The following ARNT2 variants were observed in gnomAD, a reference collection of about 807,000 sequenced individuals.
ARNT2 encodes ARNT protein 2.
In ARNT2, 36 loss-of-function variants were observed where a neutral mutation model predicts 91.7. That is an observed-to-expected ratio of 0.39 (90% CI 0.30 to 0.52). ARNT2 has a LOEUF of 0.52. ARNT2 is among the 20% of genes least tolerant of loss of function. The probability of loss-of-function intolerance (pLI) is 0.72; values close to 1 mark genes in which losing one functional copy is unlikely to be tolerated. For missense variants in ARNT2, 775 were observed against 939.3 expected, an observed-to-expected ratio of 0.83 and a Z score of 2.29; for synonymous variants, 365 against 347.1, an observed-to-expected ratio of 1.05 and a Z score of -0.57.
Position 80,475,138 on chromosome 15 carries a change from T to G in ARNT2, c.537T>G (p.Phe179Leu). Reference protein sequence around the residue: ...PVLNQPQSEWFGSTLYEQVHP... With the variant: ...PVLNQPQSEWLGSTLYEQVHP... ...TGAACCAGCCCCAGTCAGAGTGGTT[T>G]GGGAGCACACTGTATGAACAGGTGC... is the stretch of plus-strand genomic sequence containing the variant. The change falls in exon 5 of 19, where the codon TTT becomes TTG. Residue 179 changes from phenylalanine to leucine, a missense_variant. Transcript: ENST00000303329. 3.1e-6 allele frequency: 5 copies of G among 1,614,230 alleles called. No individual in the cohort carries two copies. Among genetic ancestry groups the G allele is most frequent in the Non-Finnish European group, 4.2e-6 (5 of 1,180,040 alleles).
At chr15:80,521,456 A>T (rs1172676438) in intron 8 of ARNT2, among the ~76,000 whole-genome samples, 1 of 152,202 alleles carries the variant, frequency 6.6e-6, no homozygotes, top group South Asian at 2.1e-4. Context: ...GCAAATACCG[A>T]TAGTGTATTT....
intron 8 of ARNT2, among the ~76,000 whole-genome samples, chr15:80,517,718 C>G (rs1897463261): frequency 6.6e-6 from 1 of 151,064 alleles, no homozygotes; most frequent in African/African-American, 2.4e-5. Flanking sequence ...TGATACTTTC[C>G]TTGGCTGTGT....
chr15:80,474,925 A>G, intron 4 of ARNT2, 85 bp from the exon 5 acceptor site: 3 of 1,355,364 alleles, frequency 2.2e-6, no homozygotes, highest in Non-Finnish European at 3.1e-6. Flanking sequence ...AGATAAAGGA[A>G]ATTGAAGGCT....
At chr15:80,476,248 G>A (rs1758903804) in intron 5 of ARNT2, among the ~76,000 whole-genome samples, 1 of 152,138 alleles carries the variant, frequency 6.6e-6, no homozygotes, top group South Asian at 2.1e-4. Context: ...CTCCAAATGT[G>A]GATGAGTGTG....
At position 80,552,706 on chromosome 15, in the gene ARNT2, C is replaced by T. The variant is rs775472585; in HGVS notation, c.1021C>T (p.His341Tyr). The change falls in exon 10 of 19, where the codon CAT becomes TAT. Residue 341 changes from histidine (H) to tyrosine (Y), a missense_variant. His to Tyr is a moderately conservative substitution (Grantham distance 83, BLOSUM62 2). Around this residue, in one of 5 missense-constraint regions of ARNT2, gnomAD observed 285 missense variants for 327.2 expected, o/e 0.87. Transcript: ENST00000303329. ...MSVPTEFLSR[H>Y]NSDGIITFVD... The stretch of plus-strand genomic sequence containing the variant: ...GGTGCCCACAGAGTTCTTATCCCGG[C>T]ATAACTCCGATGGAATCATCACATT... 1.2e-6 allele frequency: 2 copies of T among 1,614,120 alleles called. No individual in the cohort carries two copies. Among genetic ancestry groups the T allele is most frequent in the Admixed American group, 1.7e-5 (1 of 60,018 alleles).
chr15:80,415,794 A>G (rs1013161690), intron 1 of ARNT2, among the ~76,000 whole-genome samples: 5 of 152,200 alleles, frequency 3.3e-5, no homozygotes, highest in Non-Finnish European at 7.3e-5. Context: ...CTGGGTGGAT[A>G]GGCTATCATA....
intron 12 of ARNT2, among the ~76,000 whole-genome samples, chr15:80,570,572 G>A (rs1477130869): frequency 6.6e-6 from 1 of 152,084 alleles, no homozygotes; most frequent in Admixed American, 6.6e-5. Flanking sequence ...TATTTCTAGT[G>A]CTCCCACTTT....
chr15:80,565,539 T>G (rs889506231), intron 12 of ARNT2, among the ~76,000 whole-genome samples: 2 of 71,362 alleles, frequency 2.8e-5, no homozygotes, highest in African/African-American at 3.8e-5. Context: ...TTTGTTATTG[T>G]TTTTTTTTTT....
chr15:80,440,751 G>A (rs1896176892), intron 1 of ARNT2, among the ~76,000 whole-genome samples: 1 of 152,194 alleles, frequency 6.6e-6, no homozygotes, highest in Non-Finnish European at 1.5e-5. Context: ...GACAGGACCT[G>A]GCCTCTTCTT....
intron 1 of ARNT2, among the ~76,000 whole-genome samples, chr15:80,411,310 G>A (rs2141553430): frequency 6.6e-6 from 1 of 152,324 alleles, no homozygotes; most frequent in South Asian, 2.1e-4. Context: ...CAGTATGGCA[G>A]CCCTGGCACC....
intron 17 of ARNT2, among the ~76,000 whole-genome samples, chr15:80,590,908 C>A (rs1893263949): frequency 6.6e-6 from 1 of 152,204 alleles, no homozygotes; most frequent in South Asian, 2.1e-4. Flanking sequence ...CAAATTTCTT[C>A]CCCTGCAAAC....
chr15:80,524,597 C>T (rs577731042), intron 8 of ARNT2, among the ~76,000 whole-genome samples: 2 of 152,174 alleles, frequency 1.3e-5, no homozygotes, highest in East Asian at 1.9e-4. Context: ...AAAGTGCTGG[C>T]CGGGCGCAGT....
At position 80,440,649 on chromosome 15, in the gene ARNT2, A is replaced by G. The variant is rs1025074825; in HGVS notation, c.32-10231A>G. On this transcript the variant is annotated intron_variant, in intron 1 of 18. Coordinates refer to ENST00000303329, the MANE Select transcript of ARNT2 (RefSeq NM_014862.4). ...CCGGGCTGCCTTGGGACTGGTTTCA[A>G]TTCCCTAATGCCAAAACCTGCCTGC... 4.6e-5 allele frequency among the ~76,000 whole-genome samples: 7 copies of G among 152,254 alleles called. 1 individual carries two copies.
chr15:80,486,623 T>G (rs1009828879), intron 5 of ARNT2, among the ~76,000 whole-genome samples: 7 of 152,242 alleles, frequency 4.6e-5, no homozygotes, highest in African/African-American at 1.7e-4. Flanking sequence ...CAAAATCCAC[T>G]GCTTCCTTTG....
At chr15:80,470,072 A>G in intron 3 of ARNT2, 146 bp from the exon 4 acceptor site, 1 of 797,868 alleles carries the variant, frequency 1.3e-6, no homozygotes, top group Non-Finnish European at 2.0e-6. Context: ...CATTTTGCCC[A>G]ATAGTCATTC....
chr15:80,435,618 C>A (rs1226874140), intron 1 of ARNT2, among the ~76,000 whole-genome samples: 1 of 152,152 alleles, frequency 6.6e-6, no homozygotes, highest in African/African-American at 2.4e-5. Flanking sequence ...TCCCTCCCTC[C>A]CTCTGTCCAC....
At chr15:80,427,491 A>G (rs1433338764) in intron 1 of ARNT2, among the ~76,000 whole-genome samples, 1 of 152,170 alleles carries the variant, frequency 6.6e-6, no homozygotes, top group Non-Finnish European at 1.5e-5. Context: ...GACTGAAAAG[A>G]AGGGAGGTTC....
chr15:80,438,797 C>A (rs1896135807), intron 1 of ARNT2, among the ~76,000 whole-genome samples: 1 of 152,204 alleles, frequency 6.6e-6, no homozygotes, highest in South Asian at 2.1e-4. Context: ...TCACGCGATT[C>A]TCCTGCCTCA....
At chr15:80,427,416 C>G (rs576284298) in intron 1 of ARNT2, among the ~76,000 whole-genome samples, 1 of 151,948 alleles carries the variant, frequency 6.6e-6, no homozygotes, top group Non-Finnish European at 1.5e-5. Flanking sequence ...TGGTATGGTA[C>G]CTAATATACA....
Sources: gnomAD v4.1 joint callset for allele counts (sites outside exome capture counted in the v4.1 genomes callset) on GRCh38, gnomAD v4.1.1 for gene constraint, gnomAD v4.1.1 regional missense constraint, MANE v1.5 for transcripts, NCBI Gene and HGNC (gene_info 2026-07-23, HGNC 2026-07-21) for gene names.